The following CECR2 variants were observed in gnomAD, a reference collection of about 807,000 sequenced individuals.
The protein encoded by CECR2 is chromatin remodeling regulator CECR2.
A neutral mutation model predicts 154.5 loss-of-function variants in CECR2; 30 were observed. The ratio of observed to expected loss-of-function variants is 0.19; its 90% CI spans 0.15 to 0.26. The LOEUF is 0.26. CECR2 is among the 10% of genes least tolerant of loss of function. CECR2 has a pLI of 1.00. For missense variants in CECR2, 1,743 were observed against 1,829.3 expected (o/e 0.95, Z 0.86); for synonymous variants, 725 against 683.7 (o/e 1.06, Z -0.94).
chr22:17,385,298 T>G (rs900416147), intron 1 of CECR2, among the ~76,000 whole-genome samples: 1 of 152,268 alleles, frequency 6.6e-6, no homozygotes, highest in African/African-American at 2.4e-5. Flanking sequence ...TTGGCCTGTT[T>G]CAGCTTTCAG....
chr22:17,549,783 GGTTTTT>G (rs2056678711), intron 17 of CECR2, among the ~76,000 whole-genome samples: 1 of 88,856 alleles, frequency 1.1e-5, no homozygotes, highest in Non-Finnish European at 2.1e-5. Context: ...CTAACTTTTT[GGTTTTT>G]TTTTTTTTTT....
At chr22:17,541,777 T>C in intron 14 of CECR2, 62 bp from the exon 15 acceptor site, 3 of 1,538,440 alleles carry the variant, frequency 2.0e-6, no homozygotes, top group Middle Eastern at 1.7e-4. Flanking sequence ...AAAACCCTTG[T>C]TGTCAACCTA....
In CECR2 at chr22:17,488,991, G is replaced by C. The variant is rs1488209464; in HGVS notation, c.222-8412G>C. Among the ~76,000 whole-genome samples, 3 of 152,016 alleles carry C rather than the reference G, an allele frequency of 2.0e-5. No homozygotes were observed. In the East Asian group the frequency reaches 5.8e-4, roughly 29 times the overall value. Reference sequence around the variant, plus strand: ...TTGAGACAAGAGTTTTGCTCTTTTTGCCCAGGCTGGAGTGCAATGGTGCTA... The same window carrying C: ...TTGAGACAAGAGTTTTGCTCTTTTTCCCCAGGCTGGAGTGCAATGGTGCTA... On this transcript the variant is annotated intron_variant, in intron 2 of 18. Transcript: ENST00000262608.
intron 1 of CECR2, among the ~76,000 whole-genome samples, chr22:17,397,596 C>T (rs1382934339): frequency 6.6e-6 from 1 of 151,930 alleles, no homozygotes; most frequent in Non-Finnish European, 1.5e-5. Flanking sequence ...CTCCCGGGTT[C>T]ACCCCATTCT....
chr22:17,429,912 G>C (rs2054395537), intron 1 of CECR2, among the ~76,000 whole-genome samples: 1 of 152,172 alleles, frequency 6.6e-6, no homozygotes, highest in Non-Finnish European at 1.5e-5. Context: ...CTCTAGGGAA[G>C]GACTTTCTCC....
At chr22:17,492,337 A>C (rs1360623750) in intron 2 of CECR2, among the ~76,000 whole-genome samples, 1 of 152,122 alleles carries the variant, frequency 6.6e-6, no homozygotes, top group Non-Finnish European at 1.5e-5. Flanking sequence ...GATCTCCCCA[A>C]ACAGGGTGCA....
intron 2 of CECR2, among the ~76,000 whole-genome samples, chr22:17,480,859 A>G (rs564961377): frequency 6.6e-6 from 1 of 151,080 alleles, no homozygotes; most frequent in East Asian, 2.0e-4. Flanking sequence ...GGCCAATGTG[A>G]TGAAACCCGG....
chr22:17,449,355 C>T (rs574686412), intron 1 of CECR2, among the ~76,000 whole-genome samples: 2 of 152,190 alleles, frequency 1.3e-5, no homozygotes, highest in South Asian at 4.2e-4. Context: ...AAAACCCAGA[C>T]TCACACACCA....
At chr22:17,531,213 G>A (rs1311092442) in intron 9 of CECR2, among the ~76,000 whole-genome samples, 1 of 152,174 alleles carries the variant, frequency 6.6e-6, no homozygotes, top group African/African-American at 2.4e-5. Context: ...AAAAAAAAAG[G>A]TTAAAGGGAT....
At chr22:17,360,527 C>T (rs1182076845) in intron 1 of CECR2, among the ~76,000 whole-genome samples, 3 of 151,976 alleles carry the variant, frequency 2.0e-5, no homozygotes, top group Non-Finnish European at 4.4e-5. Flanking sequence ...ACTAAAAATA[C>T]AAAAATTTAG....
chr22:17,414,483 A>T (rs1601317248), intron 1 of CECR2, among the ~76,000 whole-genome samples: 2 of 136,356 alleles, frequency 1.5e-5, no homozygotes, highest in African/African-American at 2.8e-5. Context: ...AACGAAACCC[A>T]TTTATTATAT....
intron 1 of CECR2, among the ~76,000 whole-genome samples, chr22:17,380,976 C>G (rs1034812115): frequency 8.5e-5 from 13 of 152,078 alleles, no homozygotes; most frequent in African/African-American, 1.9e-4. Context: ...TTTCTCTTCT[C>G]CATTCCCCAT....
chr22:17,454,767 A>G (rs1481511686), intron 1 of CECR2, among the ~76,000 whole-genome samples: 5 of 152,198 alleles, frequency 3.3e-5, no homozygotes, highest in Non-Finnish European at 5.9e-5. Context: ...CAGATTCCAC[A>G]AAGTTTTAAT....
Position 17,542,898 on chromosome 22 carries a change from G to T in CECR2, c.2755G>T (p.Val919Leu), listed in dbSNP as rs373510634. The T allele has an allele frequency of 5.6e-6, 9 of 1,613,804 alleles. No homozygotes were observed. The African/African-American group carries it at 1.2e-4, about 22-fold the overall frequency. ...CCGTTTACCTGGCCCTTTTCCGCAGGTAGCTCACCCAATGTCAGTCACTGT... is the reference window on the plus strand; with the variant it reads ...CCGTTTACCTGGCCCTTTTCCGCAGTTAGCTCACCCAATGTCAGTCACTGT... ...HPRLPGPFPQVAHPMSVTVSA... is the reference protein window; with the variant it reads ...HPRLPGPFPQLAHPMSVTVSA... The change falls in exon 16 of 19, where the codon GTA becomes TTA. Residue 919 changes from valine (V) to leucine (L), a missense_variant. Val to Leu is a conservative substitution (Grantham distance 32). Around this residue, in one of 4 missense-constraint regions of CECR2, gnomAD observed 1,250 missense variants for 1,192.1 expected, o/e 1.05. Coordinates refer to ENST00000262608, the MANE Select transcript of CECR2 (RefSeq NM_001290047.2).
At chr22:17,453,266 A>T (rs1269512208) in intron 1 of CECR2, among the ~76,000 whole-genome samples, 1 of 151,960 alleles carries the variant, frequency 6.6e-6, no homozygotes, top group East Asian at 1.9e-4. Context: ...ACATGGAGAA[A>T]CCCCGTCTCT....
intron 6 of CECR2, among the ~76,000 whole-genome samples, chr22:17,503,804 T>G (rs1316775806): frequency 6.6e-6 from 1 of 152,098 alleles, no homozygotes; most frequent in Non-Finnish European, 1.5e-5. Context: ...CCCAGCACTT[T>G]GGGAGGTCGA....
At chr22:17,403,153 A>T (rs1464916234) in intron 1 of CECR2, among the ~76,000 whole-genome samples, 1 of 152,166 alleles carries the variant, frequency 6.6e-6, no homozygotes, top group Non-Finnish European at 1.5e-5. Context: ...ATTGATACTT[A>T]TCCTTTGGGT....
At chr22:17,477,548 C>A in intron 1 of CECR2, 40 bp from the exon 2 acceptor site, 1 of 1,361,606 alleles carries the variant, frequency 7.3e-7, no homozygotes, top group Non-Finnish European at 1.0e-6. Flanking sequence ...TTTAAGAAAT[C>A]TCTGTTTGAT....
chr22:17,361,424 T>C (rs1447700848), intron 1 of CECR2, among the ~76,000 whole-genome samples: 1 of 150,282 alleles, frequency 6.7e-6, no homozygotes, highest in African/African-American at 2.5e-5. Flanking sequence ...AGGCGGACGT[T>C]GCAGTGCACC....
Sources: allele counts gnomAD v4.1 joint callset (sites outside exome capture counted in the v4.1 genomes callset), GRCh38; gene constraint gnomAD v4.1.1; regional missense constraint gnomAD v4.1.1; transcripts MANE v1.5; gene names NCBI Gene and HGNC (gene_info 2026-07-23, HGNC 2026-07-21).